Variants in EGLN3 observed in about 807,000 individuals in gnomAD.
EGLN3 encodes the protein prolyl hydroxylase EGLN3.
In EGLN3, 15 loss-of-function variants were observed where a neutral mutation model predicts 26.0. The observed-to-expected ratio is 0.58, with a 90% CI of 0.39 to 0.89. The LOEUF (loss-of-function observed/expected upper bound fraction) is 0.89. EGLN3 is among the 40% of genes least tolerant of loss of function. The pLI is 0.00. For missense variants in EGLN3, 238 were observed against 311.6 expected (o/e 0.76, Z 1.78); for synonymous variants, 147 against 127.2 (o/e 1.16, Z -1.05).
chr14:33,929,201 C>T lies in EGLN3; in HGVS notation c.489G>A (p.Gly163=). ...NKNWDAKLHG[G]ILRIFPEGKS... is the part of the protein sequence containing the mutation. ...TCCCCTCTGGAAATATCCGCAGGATCCCACCATGTAGCTGAAAGACACAAA... is the reference window on the plus strand; with the variant it reads ...TCCCCTCTGGAAATATCCGCAGGATTCCACCATGTAGCTGAAAGACACAAA... Residue 163 remains glycine (G), a synonymous_variant, in exon 3 of 5, where the codon GGG becomes GGA. Coordinates refer to ENST00000250457, the MANE Select transcript of EGLN3 (RefSeq NM_022073.4). The T allele has an allele frequency of 6.2e-7, 1 of 1,614,058 alleles. No individual in the cohort carries two copies. The highest frequency in any genetic ancestry group is 1.1e-5 in the South Asian group (1 of 91,052).
chr14:33,936,305 G>T (rs969890069), intron 1 of EGLN3, among the ~76,000 whole-genome samples: 11 of 152,174 alleles, frequency 7.2e-5, no homozygotes, highest in African/African-American at 2.6e-4. Context: ...TGGAAAAACA[G>T]CCAAGCAACT....
chr14:33,937,453 T>A (rs2064450765), intron 1 of EGLN3, among the ~76,000 whole-genome samples: 1 of 152,208 alleles, frequency 6.6e-6, no homozygotes, highest in African/African-American at 2.4e-5. Flanking sequence ...TACAGACTGA[T>A]GTAATAAAAT....
intron 4 of EGLN3, among the ~76,000 whole-genome samples, chr14:33,926,143 A>G (rs926175261): frequency 6.6e-6 from 1 of 152,168 alleles, no homozygotes; most frequent in Non-Finnish European, 1.5e-5. Flanking sequence ...CAGCATTGGC[A>G]CCTCTTGGGC....
Position 33,951,043 on chromosome 14 carries a change from T to C in EGLN3, c.-291A>G, listed in dbSNP as rs1440125710. 3 of 366,264 alleles carry C rather than the reference T, an allele frequency of 8.2e-6. No individual in the cohort carries two copies. Among genetic ancestry groups the C allele is most frequent in the African/African-American group, 2.1e-5 (1 of 47,854 alleles). 22.7% of individuals were successfully genotyped at this position (366,264 alleles called of 1,614,324 possible). A position where few individuals can be genotyped will look rare whatever the true frequency, so the allele number is the denominator to read the frequency against. On this transcript the variant is annotated 5_prime_UTR_variant, in exon 1 of 5. Transcript: ENST00000250457. ...GGAGTCGGAGGGCGCCTTTTGGGGA[T>C]GGGAAGCCACCACTGCCGCGACTGC...
At chr14:33,933,172 A>G (rs773792567) in intron 1 of EGLN3, among the ~76,000 whole-genome samples, 3 of 152,188 alleles carry the variant, frequency 2.0e-5, no homozygotes, top group Non-Finnish European at 4.4e-5. Flanking sequence ...TCCTATAAAG[A>G]GGGGATTGGG....
intron 4 of EGLN3, 70 bp from the exon 5 acceptor site, chr14:33,925,992 G>C (rs768724418): frequency 1.3e-6 from 2 of 1,517,740 alleles, no homozygotes; most frequent in Admixed American, 1.7e-5. Flanking sequence ...TGTCACAAAT[G>C]TCACCAAAAA....
At chr14:33,936,546 T>C (rs1231891481) in intron 1 of EGLN3, among the ~76,000 whole-genome samples, 3 of 151,902 alleles carry the variant, frequency 2.0e-5, no homozygotes, top group Non-Finnish European at 4.4e-5. Flanking sequence ...CATGATCACA[T>C]ACTTTAGGTC....
rs199562718 is a variant in EGLN3, at chr14:33,935,632, T to C, written c.358-4417A>G. On this transcript the variant is annotated intron_variant, in intron 1 of 4. Transcript: ENST00000250457. ...ACACACACACACACATATATATATA[T>C]ACACACACATATATCAGGCTATATT... Among the ~76,000 whole-genome samples the C allele has an allele frequency of 2.7e-4, 40 of 150,290 alleles. 1 individual carries two copies. Among genetic ancestry groups the C allele is most frequent in the South Asian group, 1.7e-3 (8 of 4,722 alleles).
chr14:33,938,949 G>A (rs2064461297), intron 1 of EGLN3, among the ~76,000 whole-genome samples: 1 of 152,120 alleles, frequency 6.6e-6, no homozygotes, highest in Admixed American at 6.5e-5. Context: ...TTTGATATGA[G>A]AAAACAGCCT....
intron 1 of EGLN3, among the ~76,000 whole-genome samples, chr14:33,937,589 T>C (rs1317481766): frequency 6.6e-6 from 1 of 152,216 alleles, no homozygotes; most frequent in Admixed American, 6.5e-5. Flanking sequence ...ACCAGACAAA[T>C]ACCTGTCAGG....
chr14:33,939,627 C>T (rs2064468999), intron 1 of EGLN3, among the ~76,000 whole-genome samples: 2 of 152,252 alleles, frequency 1.3e-5, no homozygotes. Flanking sequence ...TCATGAAATT[C>T]AGTGGCTATA....
At chr14:33,929,817 TA>T (rs1005742391) in intron 2 of EGLN3, among the ~76,000 whole-genome samples, 8 of 151,506 alleles carry the variant, frequency 5.3e-5, no homozygotes, top group African/African-American at 1.5e-4. Flanking sequence ...GTTTTTGACT[TA>T]AAAAAAAATG....
At chr14:33,930,645 C>A (rs1013764899) in intron 2 of EGLN3, among the ~76,000 whole-genome samples, 2 of 152,126 alleles carry the variant, frequency 1.3e-5, no homozygotes, top group Non-Finnish European at 2.9e-5. Context: ...ATGAGACATA[C>A]CACCCCGAGG....
chr14:33,928,976 G>A (rs1443794549), intron 3 of EGLN3, 100 bp downstream of exon 3: 1 of 1,451,870 alleles, frequency 6.9e-7, no homozygotes, highest in Non-Finnish European at 9.3e-7. Flanking sequence ...ATGGGGTGTG[G>A]TCAATCCCCC....
chr14:33,950,228 G>T, intron 1 of EGLN3, 168 bp downstream of exon 1: 1 of 677,242 alleles, frequency 1.5e-6, no homozygotes, highest in South Asian at 1.7e-5. Flanking sequence ...TCGCTCAGAG[G>T]AGCTGGGGCG....
intron 1 of EGLN3, among the ~76,000 whole-genome samples, chr14:33,939,296 T>C (rs896873508): frequency 3.6e-4 from 54 of 152,102 alleles, no homozygotes; most frequent in Non-Finnish European, 5.7e-4. Context: ...CTGCAAGCTC[T>C]GCCTCCCGGG....
intron 1 of EGLN3, chr14:33,950,174 G>GA (rs2064546878): frequency 1.7e-6 from 1 of 600,592 alleles, no homozygotes; most frequent in Admixed American, 2.9e-5. Flanking sequence ...AAAGTCAACA[G>GA]AAGGTCATCA....
intron 1 of EGLN3, among the ~76,000 whole-genome samples, chr14:33,947,705 A>G (rs947137447): frequency 4.6e-5 from 7 of 152,200 alleles, no homozygotes; most frequent in African/African-American, 1.7e-4. Context: ...AGCTCATTAT[A>G]TTAGCCTCTT....
chr14:33,938,492 G>A (rs2064457841), intron 1 of EGLN3, among the ~76,000 whole-genome samples: 1 of 152,182 alleles, frequency 6.6e-6, no homozygotes, highest in African/African-American at 2.4e-5. Context: ...ACAGGGCTAC[G>A]TGCGCTGCGT....
Sources: gnomAD v4.1 joint callset for allele counts (sites outside exome capture counted in the v4.1 genomes callset) on GRCh38, gnomAD v4.1.1 for gene constraint, MANE v1.5 for transcripts, NCBI Gene and HGNC (gene_info 2026-07-23, HGNC 2026-07-21) for gene names.